Variants in FERMT2 observed in about 807,000 individuals in gnomAD.
FERMT2 encodes the protein fermitin family homolog 2.
In FERMT2, 15 loss-of-function variants were observed where a neutral mutation model predicts 82.7. The ratio of observed to expected loss-of-function variants is 0.18; its 90% CI spans 0.12 to 0.28. FERMT2 has a LOEUF of 0.28. Ranked by LOEUF, FERMT2 falls within the 10% of genes least tolerant of loss-of-function variation. FERMT2 has a pLI of 1.00. For missense variants in FERMT2, 645 were observed against 809.4 expected (o/e 0.80, Z 2.46); for synonymous variants, 274 against 271.5 (o/e 1.01, Z -0.09).
At chr14:52,899,042 T>C (rs1363841792) in intron 3 of FERMT2, among the ~76,000 whole-genome samples, 1 of 152,214 alleles carries the variant, frequency 6.6e-6, no homozygotes, top group African/African-American at 2.4e-5. Flanking sequence ...CCAGGTAGTA[T>C]TAAATGTATA....
intron 2 of FERMT2, among the ~76,000 whole-genome samples, chr14:52,937,937 ACTACT>A (rs1174045305): frequency 2.0e-5 from 3 of 152,186 alleles, no homozygotes; most frequent in Non-Finnish European, 4.4e-5. Context: ...TATTAGTCTA[ACTACT>A]ACTTACTATG....
chr14:52,870,824 C>T (rs1036758333), intron 10 of FERMT2, among the ~76,000 whole-genome samples: 4 of 152,118 alleles, frequency 2.6e-5, no homozygotes, highest in African/African-American at 4.8e-5. Context: ...GTACTAAGTA[C>T]AATTTAGGAA....
chr14:52,888,119 T>C (rs1886719851), intron 4 of FERMT2, among the ~76,000 whole-genome samples: 1 of 152,232 alleles, frequency 6.6e-6, no homozygotes, highest in Admixed American at 6.5e-5. Context: ...ATATTTATTT[T>C]GTTTATATCA....
chr14:52,910,732 C>T (rs1004239051), intron 3 of FERMT2, among the ~76,000 whole-genome samples: 5 of 152,114 alleles, frequency 3.3e-5, no homozygotes, highest in African/African-American at 1.2e-4. Context: ...GGTTATTTCC[C>T]TTTAAATAGT....
At chr14:52,913,207 T>C (rs4901308) in intron 3 of FERMT2, among the ~76,000 whole-genome samples, 120,674 of 152,142 alleles carry the variant, frequency 0.79, 48,214 homozygotes, top group East Asian at 1. Flanking sequence ...GAGTATATCT[T>C]TAGGTGGATA....
At position 52,919,277 on chromosome 14, in the gene FERMT2, T is replaced by C. The variant is rs1326929747; in HGVS notation, c.237A>G (p.Leu79=). The change falls in exon 3 of 15, where the codon TTA becomes TTG. Residue 79 remains leucine (L), a synonymous_variant. Coordinates refer to ENST00000341590, the MANE Select transcript of FERMT2 (RefSeq NM_006832.3). The part of the protein sequence containing the change: ...RTWLLKTHWT[L]DKYGIQADAK... ...CATCTGCCTGAATACCATACTTATC[T>C]AAGGTCCAATGTGTCTTCAGAAGCC... 3.1e-6 allele frequency: 5 copies of C among 1,613,988 alleles called. No homozygotes were observed. The African/African-American group carries it at 5.3e-5, about 17-fold the overall frequency.
At chr14:52,917,560 A>G (rs895240884) in intron 3 of FERMT2, among the ~76,000 whole-genome samples, 3 of 152,178 alleles carry the variant, frequency 2.0e-5, no homozygotes, top group Admixed American at 6.5e-5. Flanking sequence ...TTTCAAGGGC[A>G]TTAGATCAAA....
At chr14:52,894,704 CAT>C (rs1296154055) in intron 3 of FERMT2, among the ~76,000 whole-genome samples, 2 of 151,876 alleles carry the variant, frequency 1.3e-5, no homozygotes, top group Non-Finnish European at 2.9e-5. Context: ...AACAATGATT[CAT>C]ATATATATGT....
chr14:52,901,296 A>AAG (rs1887633176), intron 3 of FERMT2, among the ~76,000 whole-genome samples: 1 of 149,842 alleles, frequency 6.7e-6, no homozygotes, highest in Admixed American at 6.6e-5. Flanking sequence ...AAAAAAAAAA[A>AAG]AAAAGCCCCA....
chr14:52,941,862 T>C (rs1890103028), intron 2 of FERMT2, among the ~76,000 whole-genome samples: 1 of 152,222 alleles, frequency 6.6e-6, no homozygotes, highest in African/African-American at 2.4e-5. Flanking sequence ...TTTAGATTTT[T>C]CAAATACCTG....
chr14:52,920,265 G>C (rs1408853660), intron 2 of FERMT2, among the ~76,000 whole-genome samples: 1 of 152,138 alleles, frequency 6.6e-6, no homozygotes, highest in South Asian at 2.1e-4. Context: ...GGGATCAACT[G>C]TATGTTAAAC....
chr14:52,869,434 T>A, intron 10 of FERMT2, among the ~76,000 whole-genome samples: 1 of 152,188 alleles, frequency 6.6e-6, no homozygotes, highest in East Asian at 1.9e-4. Context: ...TAATGTACAA[T>A]ATACAGTCAC....
chr14:52,950,224 G>A (rs4901320), intron 2 of FERMT2, among the ~76,000 whole-genome samples, 188 bp downstream of exon 2: 152,181 of 152,348 alleles, frequency 1, 76,007 homozygotes, highest in Non-Finnish European at 1. Context: ...TCAGAGAATA[G>A]CAAAACAAAA....
In FERMT2 at chr14:52,917,142, ATTTTAC is replaced by A. The variant is rs1888659338; in HGVS notation, c.391+1975_391+1980del. On this transcript the variant is annotated intron_variant, in intron 3 of 14. Transcript: ENST00000341590. ...AATTATGTATATATTTAAAACAGCA[ATTTTAC>A]TTCTACTTCTAGGTGGATACTCGAG... Among the ~76,000 whole-genome samples the A allele has an allele frequency of 2.0e-5, 3 of 152,204 alleles. No homozygotes were observed. In the South Asian group the frequency reaches 6.2e-4, roughly 32 times the overall value.
rs1491425702 is a variant in FERMT2 at position 52,892,167 on chromosome 14, T to TTG, written c.526+1125_526+1126insCA. ...AAAGCAGAGAGAAGGCTGTTTTTTG[T>TTG]TTTTTTTTTTTTTTTTTTTTGAGAC... is the stretch of plus-strand genomic sequence containing the variant. On this transcript the variant is annotated intron_variant, in intron 4 of 14. Transcript: ENST00000341590. 2.9e-3 allele frequency among the ~76,000 whole-genome samples: 13 copies of TTG among 4,492 alleles called. 1 individual carries two copies. In the East Asian group the frequency reaches 0.26, roughly 90 times the overall value. 2.9% of individuals were successfully genotyped at this position (4,492 alleles called of 152,430 possible). A position where few individuals can be genotyped will look rare whatever the true frequency, so the allele number is the denominator to read the frequency against.
intron 2 of FERMT2, among the ~76,000 whole-genome samples, chr14:52,934,327 G>A (rs1231655228): frequency 1.3e-5 from 2 of 152,200 alleles, no homozygotes; most frequent in African/African-American, 4.8e-5. Context: ...TGTTTATTTA[G>A]TGTACTGTAA....
intron 3 of FERMT2, among the ~76,000 whole-genome samples, chr14:52,897,913 TTGCAGTGAGCTAAGA>T (rs1355162318): frequency 2.1e-5 from 3 of 144,768 alleles, no homozygotes; most frequent in Non-Finnish European, 4.5e-5. Flanking sequence ...GAGGCGGAGG[TTGCAGTGAGCTAAGA>T]TCATGCCATT....
chr14:52,888,327 CTA>C (rs1291453878), intron 4 of FERMT2, among the ~76,000 whole-genome samples: 3 of 152,132 alleles, frequency 2.0e-5, no homozygotes, highest in African/African-American at 4.8e-5. Flanking sequence ...ATCTAAATTA[CTA>C]TGTCTTAATC....
chr14:52,860,929 T>C (rs2140049706), intron 12 of FERMT2: 1 of 936,322 alleles, frequency 1.1e-6, no homozygotes, highest in South Asian at 1.6e-5. Context: ...TAAATTTCAC[T>C]ACTGGGGTAA....
Sources: allele counts gnomAD v4.1 joint callset (sites outside exome capture counted in the v4.1 genomes callset), GRCh38; gene constraint gnomAD v4.1.1; transcripts MANE v1.5; gene names NCBI Gene and HGNC (gene_info 2026-07-23, HGNC 2026-07-21).